The following PPP6R3 variants were observed in gnomAD, a reference collection of about 807,000 sequenced individuals.
The protein encoded by PPP6R3 is serine/threonine-protein phosphatase 6 regulatory subunit 3.
Under a neutral mutation model 110.7 loss-of-function variants are expected in PPP6R3, and 38 were observed. The ratio of observed to expected loss-of-function variants is 0.34; its 90% CI spans 0.26 to 0.45. The LOEUF is 0.45. PPP6R3 is among the 20% of genes least tolerant of loss of function. The pLI is 1.00. For synonymous variants in PPP6R3, 369 were observed against 373.5 expected, an observed-to-expected ratio of 0.99 and a Z score of 0.14; for missense variants, 870 against 1,062.4, an observed-to-expected ratio of 0.82 and a Z score of 2.52.
At chr11:68,608,336 C>T (rs934709361) in intron 22 of PPP6R3, among the ~76,000 whole-genome samples, 1 of 152,198 alleles carries the variant, frequency 6.6e-6, no homozygotes, top group Non-Finnish European at 1.5e-5. Flanking sequence ...CAAAACTCAT[C>T]AGAGAATTAT....
At chr11:68,572,177 C>A (rs948057320) in intron 12 of PPP6R3, among the ~76,000 whole-genome samples, 2 of 151,976 alleles carry the variant, frequency 1.3e-5, no homozygotes, top group African/African-American at 4.8e-5. Context: ...TGTTTGTGGC[C>A]CAGTTGACAT....
At chr11:68,592,859 G>A (rs2099599804) in intron 18 of PPP6R3, among the ~76,000 whole-genome samples, 1 of 152,144 alleles carries the variant, frequency 6.6e-6, no homozygotes, top group South Asian at 2.1e-4. Context: ...CTTGCCCACA[G>A]CATGACTAAT....
chr11:68,519,635 T>A lies in PPP6R3; in HGVS notation c.-23T>A. Reference sequence around the variant, plus strand: ...AGAAGAAAACATTTCTTTTAATTTTTAAACTTGGTTTGAAAGGTAAGACCA... The same window carrying A: ...AGAAGAAAACATTTCTTTTAATTTTAAAACTTGGTTTGAAAGGTAAGACCA... On this transcript the variant is annotated 5_prime_UTR_variant, in exon 2 of 24. Transcript: ENST00000393800. 2.5e-6 allele frequency: 1 copy of A among 398,618 alleles called. No homozygotes were observed. Among genetic ancestry groups the A allele is most frequent in the African/African-American group, 2.1e-5 (1 of 48,764 alleles). The allele number at this position is 398,618 out of a possible 1,614,324, so 24.7% of individuals were successfully genotyped here.
intron 22 of PPP6R3, among the ~76,000 whole-genome samples, chr11:68,605,155 C>A (rs1017400127): frequency 6.6e-6 from 1 of 152,086 alleles, no homozygotes; most frequent in East Asian, 1.9e-4. Flanking sequence ...GCCTAGGCAA[C>A]GTGGCAAAAT....
chr11:68,596,794 G>C (rs1191223547), intron 19 of PPP6R3, among the ~76,000 whole-genome samples: 1 of 152,196 alleles, frequency 6.6e-6, no homozygotes, highest in East Asian at 1.9e-4. Flanking sequence ...AAACGTTCAT[G>C]TGAAGGAGCC....
chr11:68,590,147 A>T (rs2099590735), intron 16 of PPP6R3, among the ~76,000 whole-genome samples: 1 of 152,168 alleles, frequency 6.6e-6, no homozygotes, highest in Non-Finnish European at 1.5e-5. Context: ...TCCTCTTCAA[A>T]CTTATGTTTA....
intron 13 of PPP6R3, among the ~76,000 whole-genome samples, chr11:68,575,350 A>T (rs1027827823): frequency 4.6e-5 from 7 of 152,210 alleles, no homozygotes; most frequent in African/African-American, 1.7e-4. Context: ...CTTTTCTTTA[A>T]CATTTCTCTA....
rs577522198 is a variant in PPP6R3, at chr11:68,523,463, T to G, written c.-7+3812T>G. On this transcript the variant is annotated intron_variant, in intron 2 of 23. Coordinates refer to ENST00000393800, the MANE Select transcript of PPP6R3 (RefSeq NM_001164161.2). Reference sequence around the variant, plus strand: ...GTCAGACCTTCCATGTCTGAAAACGTTGGTTTCAAGAATTGATCCTAAGTT... The same window carrying G: ...GTCAGACCTTCCATGTCTGAAAACGGTGGTTTCAAGAATTGATCCTAAGTT... 1.6e-4 allele frequency among the ~76,000 whole-genome samples: 24 copies of G among 152,348 alleles called. No homozygotes were observed. In the East Asian group the frequency reaches 2.1e-3, roughly 13 times the overall value.
Position 68,601,775 on chromosome 11 carries a change from AACTT to A in PPP6R3, c.2193-83_2193-80del, listed in dbSNP as rs1416163470. Reference sequence around the variant, plus strand: ...ACAGATGCTAATGTCTCCTAACAAAAACTTACTTGTAAAGGCTTATTGTGAATCT... The same window carrying A: ...ACAGATGCTAATGTCTCCTAACAAAAACTTGTAAAGGCTTATTGTGAATCT... On this transcript the variant is annotated intron_variant, in intron 20 of 23. Transcript: ENST00000393800. 9 of 1,100,176 alleles carry A rather than the reference AACTT, an allele frequency of 8.2e-6. 1 individual carries two copies. Among genetic ancestry groups the A allele is most frequent in the Non-Finnish European group, 1.2e-5 (9 of 750,794 alleles). The allele number at this position is 1,100,176 out of a possible 1,614,324, so 68.2% of individuals were successfully genotyped here.
At chr11:68,463,522 G>C (rs759928923) in intron 1 of PPP6R3, among the ~76,000 whole-genome samples, 1 of 152,122 alleles carries the variant, frequency 6.6e-6, no homozygotes, top group Non-Finnish European at 1.5e-5. Context: ...GGCAGCCTCT[G>C]TGTGTGTTTG....
intron 1 of PPP6R3, among the ~76,000 whole-genome samples, chr11:68,514,062 G>A (rs918930843): frequency 1.3e-5 from 2 of 152,134 alleles, no homozygotes; most frequent in Non-Finnish European, 2.9e-5. Context: ...GCATTTTAAT[G>A]TATGTACGAA....
At chr11:68,591,489 A>C in intron 17 of PPP6R3, 87 bp from the exon 18 acceptor site, 1 of 1,313,754 alleles carries the variant, frequency 7.6e-7, no homozygotes, top group Non-Finnish European at 1.0e-6. Flanking sequence ...AGCAGTGAAA[A>C]AATGCAATTT....
At chr11:68,520,141 C>T (rs1427974825) in intron 2 of PPP6R3, among the ~76,000 whole-genome samples, 3 of 152,180 alleles carry the variant, frequency 2.0e-5, no homozygotes, top group East Asian at 3.9e-4. Context: ...ACTTTTGGCT[C>T]AGTTGGCATT....
intron 1 of PPP6R3, among the ~76,000 whole-genome samples, chr11:68,474,908 T>C (rs914491625): frequency 2.0e-5 from 3 of 152,134 alleles, no homozygotes; most frequent in Admixed American, 6.5e-5. Flanking sequence ...CTTCCTTTTT[T>C]TTATTTTTTT....
intron 1 of PPP6R3, among the ~76,000 whole-genome samples, chr11:68,517,900 T>G (rs542081675): frequency 1.3e-4 from 19 of 150,830 alleles, no homozygotes; most frequent in African/African-American, 4.4e-4. Context: ...ATTGCACCAC[T>G]GCACTCCAGC....
chr11:68,544,559 GC>G (rs1489157558), intron 3 of PPP6R3, among the ~76,000 whole-genome samples: 1 of 152,236 alleles, frequency 6.6e-6, no homozygotes, highest in Non-Finnish European at 1.5e-5. Context: ...GGGCCCTGCA[GC>G]ATGACCTCTC....
At chr11:68,549,288 T>G in intron 5 of PPP6R3, among the ~76,000 whole-genome samples, 1 of 152,232 alleles carries the variant, frequency 6.6e-6, no homozygotes, top group Middle Eastern at 3.2e-3. Flanking sequence ...TACTCATTTC[T>G]TTGGAAATGA....
intron 1 of PPP6R3, among the ~76,000 whole-genome samples, chr11:68,465,231 C>T (rs925427842): frequency 6.6e-6 from 1 of 152,176 alleles, no homozygotes; most frequent in African/African-American, 2.4e-5. Flanking sequence ...AGAATTAGCC[C>T]TGGATCAGTT....
In PPP6R3 at chr11:68,565,318, G is replaced by T. The variant is rs73504486; in HGVS notation, c.975+886G>T. Among the ~76,000 whole-genome samples the T allele has an allele frequency of 8.0e-3, 1,219 of 151,922 alleles. 14 individuals are homozygous for T. Among genetic ancestry groups the T allele is most frequent in the African/African-American group, 0.028 (1,178 of 41,388 alleles). On this transcript the variant is annotated intron_variant, in intron 9 of 23. Coordinates refer to ENST00000393800, the MANE Select transcript of PPP6R3 (RefSeq NM_001164161.2). ...ACCTGATGCCATTGGTGAGCAGGTC[G>T]TGGTTCCATCACTGTGCTCACAGTT...
Sources: allele counts gnomAD v4.1 joint callset (sites outside exome capture counted in the v4.1 genomes callset), GRCh38; gene constraint gnomAD v4.1.1; transcripts MANE v1.5; gene names NCBI Gene and HGNC (gene_info 2026-07-23, HGNC 2026-07-21).